DUSP11: variants seen among roughly 807,000 people sequenced by gnomAD.
DUSP11 encodes the protein dual specificity phosphatase 11.
Under a neutral mutation model 41.4 loss-of-function variants are expected in DUSP11, and 27 were observed. The ratio of observed to expected loss-of-function variants is 0.65; its 90% CI spans 0.48 to 0.90. The LOEUF is 0.90. DUSP11 is among the 40% of genes least tolerant of loss of function. The probability of loss-of-function intolerance (pLI) is 0.00; values close to 1 mark genes in which losing one functional copy is unlikely to be tolerated. For missense variants in DUSP11, 465 were observed against 461.1 expected (o/e 1.01, Z -0.08); for synonymous variants, 188 against 159.3 (o/e 1.18, Z -1.35).
exon 1 of DUSP11, chr2:73,780,083 T>G (rs765095433): frequency 1.7e-4 from 261 of 1,581,252 alleles, no homozygotes; most frequent in Non-Finnish European, 1.9e-4. Flanking sequence ...GGCAGCCACC[T>G]ACGCCGCGCT....
intron 8 of DUSP11, 59 bp downstream of exon 8, chr2:73,766,359 A>G: frequency 7.0e-7 from 1 of 1,435,824 alleles, no homozygotes; most frequent in South Asian, 1.4e-5. Context: ...ATGTGTTTTC[A>G]TTAACTATAG....
rs146964077 is a variant in DUSP11 at position 73,779,843 on chromosome 2, A to C, written c.242+31T>G. ...CCAGACCCAGAAGCCACGAGCTGGA[A>C]AGGCCACGCCAAGGGACCAAGACAT... On this transcript the variant is annotated intron_variant, in intron 1 of 8. Coordinates refer to ENST00000272444, the Ensembl canonical transcript of DUSP11. The C allele has an allele frequency of 7.6e-5, 123 of 1,610,258 alleles. No individual in the cohort carries two copies. The African/African-American group carries it at 1.4e-3, about 19-fold the overall frequency.
At chr2:73,768,604 CA>C in intron 5 of DUSP11, 1 of 985,324 alleles carries the variant, frequency 1.0e-6, no homozygotes, top group Non-Finnish European at 1.2e-6. Context: ...TTTATAATAT[CA>C]AAAACTTCTG....
At chr2:73,771,663 T>A (rs563093160) in intron 4 of DUSP11, among the ~76,000 whole-genome samples, 163 of 146,482 alleles carry the variant, frequency 1.1e-3, no homozygotes, top group Non-Finnish European at 1.9e-3. Context: ...CTGGGTTATT[T>A]TTTTTTTTTT....
Position 73,769,377 on chromosome 2 carries a change from T to C in DUSP11, c.575-52A>G, listed in dbSNP as rs372561416. 2.3e-5 allele frequency: 30 copies of C among 1,283,446 alleles called. No homozygotes were observed. The African/African-American group carries it at 4.0e-4, about 17-fold the overall frequency. The allele number at this position is 1,283,446 out of a possible 1,614,324, so 79.5% of individuals were successfully genotyped here. ...TAACTGAAGTAGATACACAAGTATA[T>C]AACATTATCACTGCCCTGAAAATGA... On this transcript the variant is annotated intron_variant, in intron 4 of 8. Transcript: ENST00000272444.
chr2:73,766,942 A>G (rs1201212441), intron 6 of DUSP11, 39 bp from the exon 7 acceptor site: 9 of 1,572,696 alleles, frequency 5.7e-6, no homozygotes, highest in Non-Finnish European at 7.8e-6. Flanking sequence ...ACTGTACAAA[A>G]AGCAGATCTT....
At position 73,770,744 on chromosome 2, in the gene DUSP11, T is replaced by G. The variant is rs529714268; in HGVS notation, c.575-1419A>C. Among the ~76,000 whole-genome samples, 12 of 152,330 alleles carry G rather than the reference T, an allele frequency of 7.9e-5. No homozygotes were observed. In the South Asian group the frequency reaches 2.5e-3, roughly 32 times the overall value. ...AATCCTTCATAAACTGGTATCAATCTGTCTTTCCAACCGATCTAAGTCCAC... is the reference window on the plus strand; with the variant it reads ...AATCCTTCATAAACTGGTATCAATCGGTCTTTCCAACCGATCTAAGTCCAC... On this transcript the variant is annotated intron_variant, in intron 4 of 8. Coordinates refer to ENST00000272444, the Ensembl canonical transcript of DUSP11.
chr2:73,762,636 G>C (rs754044455), exon 9 of DUSP11: 70 of 1,577,406 alleles, frequency 4.4e-5, no homozygotes, highest in Non-Finnish European at 3.6e-5. Flanking sequence ...CTGGTCTCCA[G>C]GTAGAATTCC....
exon 1 of DUSP11, chr2:73,780,137 G>T: frequency 6.4e-7 from 1 of 1,552,056 alleles, no homozygotes; most frequent in Non-Finnish European, 8.7e-7. Flanking sequence ...GGTCGTGATG[G>T]CGTAGCCACG....
exon 1 of DUSP11, chr2:73,779,994 C>G: frequency 1.2e-6 from 2 of 1,614,246 alleles, no homozygotes; most frequent in Non-Finnish European, 1.7e-6. Context: ...AAGAAGCCGC[C>G]CACCCAATGC....
chr2:73,768,161 C>T (rs1004214111), intron 5 of DUSP11: 1 of 152,476 alleles, frequency 6.6e-6, no homozygotes, highest in East Asian at 1.9e-4. Context: ...ACCTGGTTAA[C>T]ACCTACTTAT....
At position 73,769,254 on chromosome 2, in the gene DUSP11, T is replaced by C. The variant is rs764631007; in HGVS notation, c.635+11A>G. On this transcript the variant is annotated intron_variant, in intron 5 of 8. Transcript: ENST00000272444. The stretch of plus-strand genomic sequence containing the variant: ...ATTTAAAATGGTCTGCCTCTGGGGT[T>C]GGCAACTTACCTGCAAATGAGGTAG... 6.2e-7 allele frequency: 1 copy of C among 1,611,238 alleles called. No homozygotes were observed. The highest frequency in any genetic ancestry group is 1.1e-5 in the South Asian group (1 of 90,922).
intron 8 of DUSP11, among the ~76,000 whole-genome samples, chr2:73,763,790 T>C (rs947975007): frequency 6.6e-6 from 1 of 152,174 alleles, no homozygotes; most frequent in African/African-American, 2.4e-5. Context: ...GAGCCCTCAA[T>C]CCCACTTACT....
intron 8 of DUSP11, 137 bp downstream of exon 8, chr2:73,766,281 C>T (rs1672458383): frequency 1.3e-6 from 1 of 796,216 alleles, no homozygotes; most frequent in Non-Finnish European, 1.9e-6. Context: ...TGTACTCCAG[C>T]CTGGATGACA....
At chr2:73,771,786 G>A (rs955488845) in intron 4 of DUSP11, among the ~76,000 whole-genome samples, 4 of 148,244 alleles carry the variant, frequency 2.7e-5, no homozygotes, top group African/African-American at 1.0e-4. Flanking sequence ...ACAGGCATGA[G>A]CCATCGCGCC....
exon 8 of DUSP11, chr2:73,766,444 C>G: frequency 1.2e-6 from 2 of 1,612,210 alleles, no homozygotes; most frequent in Non-Finnish European, 1.7e-6. Context: ...AACTTTGGGT[C>G]TGGGTGTGGA....
intron 5 of DUSP11, chr2:73,768,538 G>C (rs1476611594): frequency 1.0e-6 from 1 of 985,138 alleles, no homozygotes. Context: ...TTACCTCCGG[G>C]GCTATGAGAT....
chr2:73,777,171 C>T (rs113079508), intron 2 of DUSP11, among the ~76,000 whole-genome samples: 2 of 151,948 alleles, frequency 1.3e-5, no homozygotes, highest in African/African-American at 2.4e-5. Context: ...TGTAGAGACA[C>T]GGTTTCAGTG....
chr2:73,773,482 C>A, intron 4 of DUSP11: 1 of 372,418 alleles, frequency 2.7e-6, no homozygotes, highest in African/African-American at 2.2e-5. Flanking sequence ...TTAATCTTTT[C>A]TTCTACTTCT....
Sources: allele counts gnomAD v4.1 joint callset (sites outside exome capture counted in the v4.1 genomes callset), GRCh38; gene constraint gnomAD v4.1.1; transcripts MANE v1.5; gene names NCBI Gene and HGNC (gene_info 2026-07-23, HGNC 2026-07-21).